BBS4: variants seen among roughly 807,000 people sequenced by gnomAD.
The protein encoded by BBS4 is Bardet-Biedl syndrome 4, also known as BBSome complex member BBS4.
Under a neutral mutation model 71.4 loss-of-function variants are expected in BBS4, and 58 were observed. The ratio of observed to expected loss-of-function variants is 0.81; its 90% CI spans 0.66 to 1.01. BBS4 has a LOEUF of 1.01. Ranked by LOEUF, BBS4 falls within the 50% of genes least tolerant of loss-of-function variation. The probability of loss-of-function intolerance (pLI) is 0.00; values close to 1 mark genes in which losing one functional copy is unlikely to be tolerated. For missense variants in BBS4, 660 were observed against 607.9 expected (o/e 1.09, Z -0.90); for synonymous variants, 228 against 216.8 (o/e 1.05, Z -0.46).
intron 14 of BBS4, 75 bp downstream of exon 14, chr15:72,736,041 C>A: frequency 6.5e-7 from 1 of 1,547,492 alleles, no homozygotes; most frequent in Non-Finnish European, 8.9e-7. Flanking sequence ...CCAGATCATC[C>A]AAATCCAAGG....
chr15:72,691,958 CAAAAA>C (rs33994964), intron 1 of BBS4, among the ~76,000 whole-genome samples: 2 of 102,412 alleles, frequency 2.0e-5, no homozygotes, highest in African/African-American at 7.3e-5. Flanking sequence ...GACTTCGTCT[CAAAAA>C]AAAAAAAAAA....
rs572569469 is a variant in BBS4 at position 72,700,042 on chromosome 15, C to T, written c.76+4814C>T. Among the ~76,000 whole-genome samples the T allele has an allele frequency of 8.1e-4, 124 of 152,238 alleles. 1 individual carries two copies. Among genetic ancestry groups the T allele is most frequent in the African/African-American group, 2.8e-3 (116 of 41,538 alleles). ...GTAACCTCCGCCTCCTGGGTTCAAT[C>T]GATTCTTCAGCTTCAGCCTCCTGAG... On this transcript the variant is annotated intron_variant, in intron 2 of 15. Transcript: ENST00000268057.
rs1157267606 is a variant in BBS4 at position 72,731,321 on chromosome 15, G to A, written c.728G>A (p.Gly243Asp). ...TGTTTTCAGGCCATCTTGGCAGCAG[G>A]CAGCATGATGCAGACCCACGGGGAC... ...PTNYKAILAA[G>D]SMMQTHGDFD... The change falls in exon 11 of 16, where the codon GGC becomes GAC. Residue 243 changes from glycine (G) to aspartate (D), a missense_variant. By Grantham distance (94) the Gly-to-Asp change is moderately conservative (BLOSUM62 -1). Coordinates refer to ENST00000268057, the MANE Select transcript of BBS4 (RefSeq NM_033028.5). 6.2e-7 allele frequency: 1 copy of A among 1,614,062 alleles called. No individual in the cohort carries two copies. The highest frequency in any genetic ancestry group is 1.1e-5 in the South Asian group (1 of 91,076).
intron 11 of BBS4, 39 bp downstream of exon 11, chr15:72,731,496 T>C (rs755646931): frequency 2.1e-5 from 34 of 1,614,076 alleles, no homozygotes; most frequent in Non-Finnish European, 2.8e-5. Flanking sequence ...TATTTCTACA[T>C]GTGGTTATTG....
At chr15:72,735,220 G>A (rs767271465) in intron 13 of BBS4, 38 bp downstream of exon 13, 22 of 1,536,870 alleles carry the variant, frequency 1.4e-5, no homozygotes, top group Non-Finnish European at 1.8e-5. Flanking sequence ...GCGGGGGTTG[G>A]ACTCTCCAAA....
rs776736444 is a variant in BBS4 at position 72,731,555 on chromosome 15, G to T, written c.865G>T (p.Ala289Ser). 1 of 1,614,018 alleles carries T rather than the reference G, an allele frequency of 6.2e-7. No individual in the cohort carries two copies. Among genetic ancestry groups the T allele is most frequent in the Admixed American group, 1.7e-5 (1 of 60,002 alleles). Residue 289 changes from alanine to serine, a missense_variant and splice_region_variant, in exon 12 of 16, where the codon GCC (alanine) becomes TCC (serine). Physicochemically the swap from Ala to Ser is moderately conservative, Grantham distance 99 (BLOSUM62 1). Transcript: ENST00000268057. ...CFFGKKKYVA[A>S]ISCLKRANYL... ...ATTGAGTGCCCCTTCTCTCTCATAGGCCATCAGCTGCCTGAAACGAGCCAA... is the reference window on the plus strand; with the variant it reads ...ATTGAGTGCCCCTTCTCTCTCATAGTCCATCAGCTGCCTGAAACGAGCCAA...
intron 13 of BBS4, 24 bp from the exon 14 acceptor site, chr15:72,735,801 C>G: frequency 1.2e-6 from 2 of 1,614,056 alleles, no homozygotes; most frequent in East Asian, 2.2e-5. Context: ...GCCCCCAGCT[C>G]CATAGAATCT....
chr15:72,693,464 G>A (rs59152128), intron 1 of BBS4, among the ~76,000 whole-genome samples: 17,902 of 152,076 alleles, frequency 0.12, 1,683 homozygotes, highest in East Asian at 0.46. Flanking sequence ...TTTTTGTAAA[G>A]GGCCAGATAG....
chr15:72,689,967 C>T (rs947085357), intron 1 of BBS4, among the ~76,000 whole-genome samples: 1 of 151,960 alleles, frequency 6.6e-6, no homozygotes, highest in East Asian at 1.9e-4. Flanking sequence ...CCTGCCACCA[C>T]GCCCAGCTAA....
At chr15:72,730,231 C>A (rs1033942757) in intron 10 of BBS4, among the ~76,000 whole-genome samples, 1 of 150,062 alleles carries the variant, frequency 6.7e-6, no homozygotes, top group East Asian at 1.9e-4. Flanking sequence ...GAGCTGAGAT[C>A]ACGCGCCACT....
rs1438642564 is a variant in BBS4, at chr15:72,737,838, C to T, written c.*251C>T. On this transcript the variant is annotated 3_prime_UTR_variant, in exon 16 of 16. Transcript: ENST00000268057. The stretch of plus-strand genomic sequence containing the variant: ...ACACAGTTCCTTTAAGAACTGGCAG[C>T]AAGGCTTGAGGCCTTATGTATGTAG... 5.8e-6 allele frequency: 3 copies of T among 514,468 alleles called. No homozygotes were observed. The highest frequency in any genetic ancestry group is 1.1e-5 in the Non-Finnish European group (3 of 266,106). 31.9% of individuals were successfully genotyped at this position (514,468 alleles called of 1,614,324 possible).
chr15:72,735,678 C>A, intron 13 of BBS4, 147 bp from the exon 14 acceptor site: 1 of 1,005,738 alleles, frequency 9.9e-7, no homozygotes, highest in Non-Finnish European at 1.6e-6. Context: ...CTCCACAGGT[C>A]TGCTTAGCAC....
intron 9 of BBS4, 115 bp from the exon 10 acceptor site, chr15:72,729,501 T>G (rs982586477): frequency 3.3e-6 from 3 of 922,824 alleles, no homozygotes; most frequent in Admixed American, 1.7e-5. Context: ...CCACCCACCT[T>G]AGCCTCCCAA....
intron 1 of BBS4, among the ~76,000 whole-genome samples, chr15:72,687,330 G>A (rs1450314537): frequency 3.3e-5 from 5 of 151,912 alleles, no homozygotes. Flanking sequence ...TAGGCCGGAC[G>A]CGGTGCATCA....
intron 8 of BBS4, 60 bp from the exon 9 acceptor site, chr15:72,727,880 C>T: frequency 8.0e-7 from 1 of 1,243,144 alleles, no homozygotes. Context: ...TATTACTGTG[C>T]ATGTGTCTTC....
intron 8 of BBS4, 106 bp downstream of exon 8, chr15:72,724,761 G>A (rs1464391755): frequency 6.9e-7 from 1 of 1,445,426 alleles, no homozygotes; most frequent in African/African-American, 1.4e-5. Context: ...ATTACTTACT[G>A]TATGAGTTAA....
intron 12 of BBS4, among the ~76,000 whole-genome samples, chr15:72,732,015 A>G (rs2065834975): frequency 6.6e-6 from 1 of 152,198 alleles, no homozygotes; most frequent in African/African-American, 2.4e-5. Flanking sequence ...ATTTATGTAT[A>G]TATTGAGTCC....
At chr15:72,689,534 A>C (rs1391014362) in intron 1 of BBS4, among the ~76,000 whole-genome samples, 3 of 152,112 alleles carry the variant, frequency 2.0e-5, no homozygotes, top group Non-Finnish European at 4.4e-5. Context: ...GAGGTTTGAG[A>C]CCAGTCTGGG....
rs188263264 is a variant in BBS4, at chr15:72,713,611, A to G, written c.220+1304A>G. 2.3e-4 allele frequency among the ~76,000 whole-genome samples: 35 copies of G among 152,368 alleles called. No homozygotes were observed. The East Asian group carries it at 6.2e-3, about 27-fold the overall frequency. ...TAGTAAATACATAAACCAGTAATGT[A>G]GTCATTTATTATCAAGTATTAAGTT... On this transcript the variant is annotated intron_variant, in intron 4 of 15. Transcript: ENST00000268057.
Sources: allele counts gnomAD v4.1 joint callset (sites outside exome capture counted in the v4.1 genomes callset), GRCh38; gene constraint gnomAD v4.1.1; transcripts MANE v1.5; gene names NCBI Gene and HGNC (gene_info 2026-07-23, HGNC 2026-07-21).